The following SH3RF1 variants were observed in gnomAD, a reference collection of about 807,000 sequenced individuals.
SH3RF1 encodes SH3 domain containing ring finger 1, also known as E3 ubiquitin-protein ligase SH3RF1.
SH3RF1 carries 32 observed loss-of-function variants against 74.0 expected under a neutral mutation model. The ratio of observed to expected loss-of-function variants is 0.43; its 90% confidence interval spans 0.33 to 0.58. The LOEUF (loss-of-function observed/expected upper bound fraction) is 0.58, where lower values mean the gene tolerates loss of function less well. Ranked by LOEUF, SH3RF1 falls within the 20% of genes least tolerant of loss-of-function variation. The pLI, the probability that SH3RF1 is intolerant of heterozygous loss-of-function variation, is 0.05. For synonymous variants in SH3RF1, 396 were observed against 439.6 expected, an observed-to-expected ratio of 0.90 and a Z score of 1.24; for missense variants, 954 against 1,130.9, an observed-to-expected ratio of 0.84 and a Z score of 2.24.
At chr4:169,118,896 T>C (rs893682192) in intron 8 of SH3RF1, among the ~76,000 whole-genome samples, 7 of 152,220 alleles carry the variant, frequency 4.6e-5, no homozygotes, top group Non-Finnish European at 8.8e-5. Flanking sequence ...ACTCTAAACA[T>C]CTATTTACTC....
At chr4:169,264,755 C>T (rs542746240) in intron 2 of SH3RF1, among the ~76,000 whole-genome samples, 6 of 152,334 alleles carry the variant, frequency 3.9e-5, no homozygotes, top group South Asian at 2.1e-4. Context: ...CTTCACCCTA[C>T]GTGGCCCTTG....
chr4:169,100,709 T>C (rs1207734725), intron 11 of SH3RF1, among the ~76,000 whole-genome samples: 1 of 152,210 alleles, frequency 6.6e-6, no homozygotes, highest in Admixed American at 6.5e-5. Flanking sequence ...TTAACAGCTT[T>C]ACAATGCCTG....
At chr4:169,122,296 GA>G (rs1327074947) in intron 6 of SH3RF1, 30 bp from the exon 7 acceptor site, 18 of 1,530,690 alleles carry the variant, frequency 1.2e-5, no homozygotes, top group South Asian at 3.6e-5. Flanking sequence ...AAGAGAAAGG[GA>G]AAAAAGGGAA....
intron 2 of SH3RF1, among the ~76,000 whole-genome samples, chr4:169,204,846 G>A (rs188829587): frequency 3.3e-5 from 5 of 152,140 alleles, no homozygotes; most frequent in South Asian, 2.1e-4. Flanking sequence ...ACTGAGCCCC[G>A]GCCACCTTCT....
intron 2 of SH3RF1, among the ~76,000 whole-genome samples, chr4:169,265,536 C>A (rs1014356452): frequency 6.6e-6 from 1 of 152,074 alleles, no homozygotes; most frequent in Non-Finnish European, 1.5e-5. Context: ...TGCAAGGGTG[C>A]GATCTCAGCT....
At chr4:169,135,165 T>C (rs554354098) in intron 5 of SH3RF1, among the ~76,000 whole-genome samples, 2 of 117,636 alleles carry the variant, frequency 1.7e-5, no homozygotes, top group East Asian at 5.7e-4. Context: ...TGAGACCCCA[T>C]CTCTATTAAA....
chr4:169,159,080 C>T (rs1403348107), intron 2 of SH3RF1, among the ~76,000 whole-genome samples: 1 of 152,102 alleles, frequency 6.6e-6, no homozygotes, highest in Non-Finnish European at 1.5e-5. Flanking sequence ...TAAGATCTGG[C>T]CTCCAATGGC....
chr4:169,128,296 T>A (rs1035051770), intron 6 of SH3RF1, among the ~76,000 whole-genome samples: 3 of 152,142 alleles, frequency 2.0e-5, no homozygotes, highest in Non-Finnish European at 4.4e-5. Flanking sequence ...GCTAATAGAA[T>A]CTCAGGGAAA....
intron 2 of SH3RF1, among the ~76,000 whole-genome samples, chr4:169,241,169 G>A (rs557871086): frequency 1.3e-5 from 2 of 152,336 alleles, no homozygotes; most frequent in East Asian, 3.9e-4. Context: ...GGCGGAGATT[G>A]CAGTGAGCCG....
intron 2 of SH3RF1, among the ~76,000 whole-genome samples, chr4:169,227,870 G>A (rs1421424759): frequency 6.6e-6 from 1 of 152,160 alleles, no homozygotes; most frequent in Non-Finnish European, 1.5e-5. Flanking sequence ...AGAGTTTATT[G>A]CATTTTTCAA....
chr4:169,144,339 T>C (rs1733837332), intron 4 of SH3RF1, among the ~76,000 whole-genome samples: 1 of 152,180 alleles, frequency 6.6e-6, no homozygotes, highest in African/African-American at 2.4e-5. Flanking sequence ...TAAAGTACAA[T>C]ACCTATTCTC....
At chr4:169,206,572 G>A (rs2660421) in intron 2 of SH3RF1, among the ~76,000 whole-genome samples, 71,375 of 152,068 alleles carry the variant, frequency 0.47, 18,026 homozygotes, top group East Asian at 0.78. Flanking sequence ...CTTTAAATAA[G>A]TGAAGTCAAG....
chr4:169,119,278 A>ATTTTTTTTT (rs11397253), intron 8 of SH3RF1, among the ~76,000 whole-genome samples: 2 of 66,394 alleles, frequency 3.0e-5, no homozygotes, highest in Non-Finnish European at 2.8e-5. Flanking sequence ...TAATTTTTGT[A>ATTTTTTTTT]TTTTTTTTTT....
chr4:169,167,438 A>G (rs1488453026), intron 2 of SH3RF1, among the ~76,000 whole-genome samples: 1 of 152,194 alleles, frequency 6.6e-6, no homozygotes, highest in East Asian at 1.9e-4. Context: ...TACCCCTCTT[A>G]GGTATTAACC....
chr4:169,155,617 T>G (rs769206327), intron 3 of SH3RF1, 42 bp from the exon 4 acceptor site: 1 of 1,394,080 alleles, frequency 7.2e-7, no homozygotes, highest in African/African-American at 1.4e-5. Flanking sequence ...ATCATTAAGC[T>G]GTACCATTAA....
chr4:169,222,950 G>A (rs556805405), intron 2 of SH3RF1, among the ~76,000 whole-genome samples: 5 of 152,110 alleles, frequency 3.3e-5, no homozygotes, highest in East Asian at 1.9e-4. Context: ...CCCTGTCCTC[G>A]CATGGATTTT....
At chr4:169,131,564 G>A (rs1354494323) in intron 5 of SH3RF1, among the ~76,000 whole-genome samples, 2 of 152,230 alleles carry the variant, frequency 1.3e-5, no homozygotes, top group Admixed American at 1.3e-4. Flanking sequence ...CATGAGGCAG[G>A]AGAATAGGGT....
chr4:169,188,223 C>T (rs2126983002), intron 2 of SH3RF1, among the ~76,000 whole-genome samples: 1 of 152,286 alleles, frequency 6.6e-6, no homozygotes, highest in East Asian at 1.9e-4. Context: ...CCCTAGGAAA[C>T]TCATACAGAA....
At chr4:169,194,291 A>C (rs1039201892) in intron 2 of SH3RF1, among the ~76,000 whole-genome samples, 3 of 152,196 alleles carry the variant, frequency 2.0e-5, no homozygotes, top group Non-Finnish European at 2.9e-5. Context: ...CTCATGGAAC[A>C]ACCACCAGGA....
Sources: gnomAD v4.1 joint callset for allele counts (sites outside exome capture counted in the v4.1 genomes callset) on GRCh38, gnomAD v4.1.1 for gene constraint, MANE v1.5 for transcripts, NCBI Gene and HGNC (gene_info 2026-07-23, HGNC 2026-07-21) for gene names.